SUMF2: variants seen among roughly 807,000 people sequenced by gnomAD.
SUMF2 encodes the protein sulfatase modifying factor 2, also known as inactive C-alpha-formylglycine-generating enzyme 2.
Under a neutral mutation model 44.8 loss-of-function variants are expected in SUMF2, and 45 were observed. That is an observed-to-expected ratio of 1.00 (90% CI 0.79 to 1.29). The LOEUF is 1.29. Ranked by LOEUF, SUMF2 falls within the 50% of genes most tolerant of loss-of-function variation. SUMF2 has a pLI of 0.00. For missense variants in SUMF2, 418 were observed against 389.9 expected, an observed-to-expected ratio of 1.07 and a Z score of -0.61; for synonymous variants, 148 against 150.4, an observed-to-expected ratio of 0.98 and a Z score of 0.12.
At chr7:56,087,571 G>C in the SUMF2 span, 2 of 1,600,694 alleles carry the variant, frequency 1.2e-6, no homozygotes, top group South Asian at 2.2e-5. Flanking sequence ...GGGGCACCCT[G>C]CCGTGTGGCT....
intron 2 of SUMF2, among the ~76,000 whole-genome samples, chr7:56,069,296 T>C (rs1054260056): frequency 6.6e-6 from 1 of 151,976 alleles, no homozygotes; most frequent in African/African-American, 2.4e-5. Flanking sequence ...GACATCATAG[T>C]AGAGAGTCCT....
chr7:56,086,961 G>T, the SUMF2 span: 7 of 1,609,592 alleles, frequency 4.3e-6, no homozygotes, highest in Non-Finnish European at 6.0e-6. Flanking sequence ...TCCAGTGCTG[G>T]GTACTTACAG....
chr7:56,074,487 C>T (rs1263165292), intron 4 of SUMF2, 99 bp from the exon 5 acceptor site: 8 of 1,475,388 alleles, frequency 5.4e-6, no homozygotes, highest in East Asian at 2.3e-5. Context: ...CTCTCTTGCT[C>T]CATCTAGTGG....
At position 56,073,103 on chromosome 7, in the gene SUMF2, C is replaced by T. The variant is rs1338591589; in HGVS notation, c.331C>T (p.Pro111Ser). The T allele has an allele frequency of 1.9e-6, 3 of 1,613,644 alleles. No individual in the cohort carries two copies. The African/African-American group carries it at 4.0e-5, about 22-fold the overall frequency. Residue 111 changes from proline to serine, a missense_variant, in exon 3 of 9, where the codon CCA becomes TCA. Coordinates refer to ENST00000434526, the MANE Select transcript of SUMF2 (RefSeq NM_015411.4). The stretch of plus-strand genomic sequence containing the variant: ...TGAGCTGAGAAACAAAGCCACCCAG[C>T]CAATGAAGGTGAGAGAACCTGGTCT... ...SDELRNKATQ[P>S]MKSVLWWLPV...
intron 6 of SUMF2, 49 bp from the exon 7 acceptor site, chr7:56,078,053 C>T (rs1277117409): frequency 6.5e-7 from 1 of 1,535,300 alleles, no homozygotes; most frequent in Non-Finnish European, 8.9e-7. Context: ...GCATGAGGAC[C>T]TGCTTTGGGA....
At chr7:56,074,511 C>A in intron 4 of SUMF2, 75 bp from the exon 5 acceptor site, 1 of 1,562,434 alleles carries the variant, frequency 6.4e-7, no homozygotes, top group South Asian at 1.2e-5. Flanking sequence ...AAGCTGAACG[C>A]GGGCGCCCTA....
In SUMF2 at chr7:56,078,484, A is replaced by G. The variant is rs185755016; in HGVS notation, c.797A>G (p.Asn266Ser). 2.7e-4 allele frequency: 423 copies of G among 1,587,786 alleles called. No homozygotes were observed. The highest frequency in any genetic ancestry group is 6.7e-4 in the Middle Eastern group (4 of 5,944). ...ATCGACACAGCTGATGGCTCTGCCA[A>G]TCACCGGGCCCGGGTCACCACCAGG... ...SWIDTADGSA[N>S]HRARVTTRMG... The change falls in exon 8 of 9, where the codon AAT (asparagine) becomes AGT (serine). Residue 266 changes from asparagine to serine, a missense_variant. Physicochemically the swap from Asn to Ser is conservative, Grantham distance 46 (BLOSUM62 1). Transcript: ENST00000434526.
At chr7:56,086,393 C>G in the SUMF2 span, among the ~76,000 whole-genome samples, 1 of 152,108 alleles carries the variant, frequency 6.6e-6, no homozygotes, top group African/African-American at 2.4e-5. Flanking sequence ...CTATACTGTG[C>G]CAGGCACGGT....
At chr7:56,076,750 A>G (rs1473253870) in intron 5 of SUMF2, 84 bp from the exon 6 acceptor site, 6 of 1,228,246 alleles carry the variant, frequency 4.9e-6, no homozygotes, top group Non-Finnish European at 6.9e-6. Context: ...CTTCCTTTTG[A>G]TTCCCTCACT....
intron 3 of SUMF2, 190 bp downstream of exon 3, chr7:56,073,301 G>C: frequency 1.5e-6 from 1 of 652,266 alleles, no homozygotes; most frequent in South Asian, 1.5e-5. Context: ...CTGAACCCAA[G>C]TTAGCTCTTG....
downstream of SUMF2, chr7:56,082,356 G>T: frequency 1.2e-6 from 1 of 866,372 alleles, no homozygotes; most frequent in Non-Finnish European, 1.8e-6. Flanking sequence ...ACTTTGGGAG[G>T]CCGAGGCAGG....
chr7:56,068,004 C>T (rs1051384201), intron 1 of SUMF2, among the ~76,000 whole-genome samples: 19 of 148,460 alleles, frequency 1.3e-4, no homozygotes, highest in Admixed American at 1.1e-3. Flanking sequence ...ACAAACAAAA[C>T]GCAAAAGGAA....
Position 56,074,637 on chromosome 7 carries a change from C to G in SUMF2, c.436C>G (p.His146Asp), listed in dbSNP as rs778761479. ...IRERLEHPVL[H>D]VSWNDARAYC... ...AGAGAGACTGGAGCACCCAGTGTTACACGTGAGCTGGAATGACGCCCGTGC... is the reference window on the plus strand; with the variant it reads ...AGAGAGACTGGAGCACCCAGTGTTAGACGTGAGCTGGAATGACGCCCGTGC... Residue 146 changes from histidine (H) to aspartate (D), a missense_variant, in exon 5 of 9, where the codon CAC (histidine) becomes GAC (aspartate). Coordinates refer to ENST00000434526, the MANE Select transcript of SUMF2 (RefSeq NM_015411.4). 6.2e-7 allele frequency: 1 copy of G among 1,614,202 alleles called. No homozygotes were observed. The highest frequency in any genetic ancestry group is 1.7e-5 in the Admixed American group (1 of 60,016).
chr7:56,084,700 A>C (rs1016767518), downstream of SUMF2, among the ~76,000 whole-genome samples: 4 of 152,082 alleles, frequency 2.6e-5, no homozygotes, highest in Non-Finnish European at 4.4e-5. Flanking sequence ...CCCAGGAAAC[A>C]AATGGGAAGA....
the SUMF2 span, chr7:56,086,776 G>A: frequency 1.7e-6 from 1 of 592,892 alleles, no homozygotes; most frequent in East Asian, 2.8e-5. Context: ...AAATGATCCA[G>A]CCCACAAGTG....
Position 56,064,317 on chromosome 7 carries a change from C to A in SUMF2, c.6C>A (p.Ala2=), listed in dbSNP as rs1181746908. 1.9e-6 allele frequency: 3 copies of A among 1,594,678 alleles called. No individual in the cohort carries two copies. The highest frequency in any genetic ancestry group is 2.6e-6 in the Non-Finnish European group (3 of 1,171,098). The change falls in exon 1 of 9, where the codon GCC becomes GCA. Residue 2 remains alanine, a synonymous_variant. Coordinates refer to ENST00000434526, the MANE Select transcript of SUMF2 (RefSeq NM_015411.4). M[A]RHGLPLLPLL... ...GGCGCAGCGCGGCAGTCCTGATGGCCCGGCATGGGTTACCGCTGCTGCCCC... is the reference window on the plus strand; with the variant it reads ...GGCGCAGCGCGGCAGTCCTGATGGCACGGCATGGGTTACCGCTGCTGCCCC...
chr7:56,079,112 A>G, intron 8 of SUMF2: 1 of 484,052 alleles, frequency 2.1e-6, no homozygotes, highest in South Asian at 4.2e-5. Context: ...GGACTCAAGC[A>G]ATCAGCCCGC....
At chr7:56,071,032 A>G (rs1243626698) in intron 2 of SUMF2, among the ~76,000 whole-genome samples, 2 of 152,218 alleles carry the variant, frequency 1.3e-5, no homozygotes, top group Admixed American at 6.5e-5. Context: ...CGATGGAACT[A>G]TTCTGTATCT....
Position 56,076,972 on chromosome 7 carries a change from C to T in SUMF2, c.591+83C>T, listed in dbSNP as rs1795603522. 29 of 1,379,594 alleles carry T rather than the reference C, an allele frequency of 2.1e-5. No individual in the cohort carries two copies. The South Asian group carries it at 3.1e-4, about 15-fold the overall frequency. 85.5% of individuals were successfully genotyped at this position (1,379,594 alleles called of 1,614,324 possible). On this transcript the variant is annotated intron_variant, in intron 6 of 8. Coordinates refer to ENST00000434526, the MANE Select transcript of SUMF2 (RefSeq NM_015411.4). ...CACTGTGTTGTTAGGCCGCGGCATC[C>T]AGAAGGCTTGGGTTCTAATGCAACT...
Sources: allele counts gnomAD v4.1 joint callset (sites outside exome capture counted in the v4.1 genomes callset), GRCh38; gene constraint gnomAD v4.1.1; transcripts MANE v1.5; gene names NCBI Gene and HGNC (gene_info 2026-07-23, HGNC 2026-07-21).